The following CELF2 variants were observed in gnomAD, a reference collection of about 807,000 sequenced individuals.
The protein encoded by CELF2 is CUGBP Elav-like family member 2, also known as CUG triplet repeat RNA-binding protein 2.
A neutral mutation model predicts 62.6 loss-of-function variants in CELF2; 8 were observed. The ratio of observed to expected loss-of-function variants is 0.13; its 90% CI spans 0.07 to 0.23. The LOEUF (loss-of-function observed/expected upper bound fraction) is 0.23. Among genes scored for constraint, CELF2 ranks in the 10% least tolerant of loss-of-function variants. The pLI is 1.00. For missense variants in CELF2, 333 were observed against 671.0 expected, an observed-to-expected ratio of 0.50 and a Z score of 5.56; for synonymous variants, 258 against 250.0, an observed-to-expected ratio of 1.03 and a Z score of -0.30.
chr10:10,720,253 A>G, the CELF2 span, among the ~76,000 whole-genome samples: 1 of 152,214 alleles, frequency 6.6e-6, no homozygotes, highest in Non-Finnish European at 1.5e-5. Flanking sequence ...TTAAAATATG[A>G]TAACATTTAC....
At chr10:10,944,280 C>T (rs2047396444) in intron 2 of CELF2, 1 of 152,650 alleles carries the variant, frequency 6.6e-6, no homozygotes, top group African/African-American at 2.4e-5. Context: ...ACACTTTTCT[C>T]CTTGGCTGTA....
At chr10:11,241,106 C>T (rs1342600758) in intron 3 of CELF2, among the ~76,000 whole-genome samples, 1 of 152,194 alleles carries the variant, frequency 6.6e-6, no homozygotes, top group African/African-American at 2.4e-5. Flanking sequence ...GGGGAGGCTT[C>T]CTCTGTGTTG....
chr10:11,125,460 G>A (rs919989079), intron 1 of CELF2, among the ~76,000 whole-genome samples: 7 of 149,370 alleles, frequency 4.7e-5, no homozygotes, highest in Non-Finnish European at 1.0e-4. Flanking sequence ...AAAAATGAGA[G>A]TTTCACACAA....
chr10:10,569,949 C>G, the CELF2 span, among the ~76,000 whole-genome samples: 1 of 152,148 alleles, frequency 6.6e-6, no homozygotes, highest in Non-Finnish European at 1.5e-5. Context: ...CTTACTTCCT[C>G]CCAAATCTAG....
intron 1 of CELF2, among the ~76,000 whole-genome samples, chr10:11,087,708 T>TA (rs2047196894): frequency 6.6e-6 from 1 of 152,196 alleles, no homozygotes; most frequent in Non-Finnish European, 1.5e-5. Flanking sequence ...AACATCGTCT[T>TA]ATAACACACG....
chr10:10,844,238 T>C (rs1482488174), intron 1 of CELF2, among the ~76,000 whole-genome samples: 1 of 152,000 alleles, frequency 6.6e-6, no homozygotes, highest in Non-Finnish European at 1.5e-5. Context: ...TCAAATTTCT[T>C]TCTGGTTTTT....
intron 1 of CELF2, among the ~76,000 whole-genome samples, chr10:11,064,649 T>C (rs188022681): frequency 2.6e-5 from 4 of 152,242 alleles, no homozygotes; most frequent in Admixed American, 1.3e-4. Flanking sequence ...CAATCCCCTT[T>C]TGCTTCCTCA....
chr10:10,528,200 C>T, the CELF2 span, among the ~76,000 whole-genome samples: 1 of 152,062 alleles, frequency 6.6e-6, no homozygotes, highest in East Asian at 1.9e-4. Context: ...AAAGTTAATA[C>T]AGCAGAAAGG....
At chr10:10,475,334 CTT>C in the CELF2 span, among the ~76,000 whole-genome samples, 25 of 152,010 alleles carry the variant, frequency 1.6e-4, no homozygotes, top group Non-Finnish European at 2.2e-4. Context: ...TCCCCTGAAA[CTT>C]TGACCCAGGA....
At chr10:10,824,015 T>C (rs1239372325) in intron 1 of CELF2, among the ~76,000 whole-genome samples, 1 of 151,872 alleles carries the variant, frequency 6.6e-6, no homozygotes, top group African/African-American at 2.4e-5. Flanking sequence ...CATAGATAAA[T>C]AGATGATAGA....
Position 11,305,587 on chromosome 10 carries a change from C to A in CELF2, c.977-8552C>A, listed in dbSNP as rs544608331. 6.6e-6 allele frequency among the ~76,000 whole-genome samples: 1 copy of A among 152,352 alleles called. No homozygotes were observed. The highest frequency in any genetic ancestry group is 2.1e-4 in the South Asian group (1 of 4,828). On this transcript the variant is annotated intron_variant, in intron 9 of 12. Transcript: ENST00000633077. The surrounding 1 kb of genome is among the most constrained non-coding windows in gnomAD (Gnocchi z 4.8). ...AAGGAAGGTTGGGGGGTTCAGCTCT[C>A]AGCTCTGTTGGAGATATTATACGGG... is the stretch of plus-strand genomic sequence containing the variant.
chr10:10,863,980 G>A (rs529509972), intron 1 of CELF2, among the ~76,000 whole-genome samples: 23 of 152,182 alleles, frequency 1.5e-4, no homozygotes, highest in East Asian at 9.6e-4. Context: ...AACCCCAAAC[G>A]TCTTCTAGTT....
chr10:10,547,920 T>G, the CELF2 span, among the ~76,000 whole-genome samples: 4 of 152,178 alleles, frequency 2.6e-5, no homozygotes, highest in Non-Finnish European at 5.9e-5. Context: ...ATAAGCCCAA[T>G]GCACAGATGA....
the CELF2 span, among the ~76,000 whole-genome samples, chr10:10,669,395 G>A: frequency 6.6e-6 from 1 of 152,332 alleles, no homozygotes; most frequent in Non-Finnish European, 1.5e-5. Flanking sequence ...CTGCACAGGT[G>A]GAAGAATTGA....
At chr10:10,578,058 G>C in the CELF2 span, among the ~76,000 whole-genome samples, 1 of 152,166 alleles carries the variant, frequency 6.6e-6, no homozygotes, top group Non-Finnish European at 1.5e-5. Flanking sequence ...CATTCTAACT[G>C]GTGTGAGATG....
intron 1 of CELF2, among the ~76,000 whole-genome samples, chr10:11,020,069 T>C (rs1478702714): frequency 6.6e-6 from 1 of 152,250 alleles, no homozygotes; most frequent in Non-Finnish European, 1.5e-5. Flanking sequence ...ATTTAATTTA[T>C]CCTTTTCATT....
chr10:10,701,899 G>T, the CELF2 span, among the ~76,000 whole-genome samples: 1 of 152,172 alleles, frequency 6.6e-6, no homozygotes, highest in South Asian at 2.1e-4. Context: ...CTGTACAAAT[G>T]AATTAGATTT....
intron 1 of CELF2, among the ~76,000 whole-genome samples, chr10:11,096,629 G>A (rs1388844472): frequency 6.6e-6 from 1 of 152,184 alleles, no homozygotes; most frequent in Non-Finnish European, 1.5e-5. Flanking sequence ...CTGGGCATGG[G>A]CAAAGCTTTT....
At chr10:10,923,229 T>C (rs1442818699) in intron 2 of CELF2, among the ~76,000 whole-genome samples, 2 of 152,188 alleles carry the variant, frequency 1.3e-5, no homozygotes, top group African/African-American at 2.4e-5. Flanking sequence ...CTGTGACGTC[T>C]AGGAAAAATG....
Sources: allele counts gnomAD v4.1 joint callset (sites outside exome capture counted in the v4.1 genomes callset), GRCh38; gene constraint gnomAD v4.1.1; non-coding constraint Gnocchi (gnomAD v3.1); transcripts MANE v1.5; gene names NCBI Gene and HGNC (gene_info 2026-07-23, HGNC 2026-07-21).